DIP2B: variants seen among roughly 807,000 people sequenced by gnomAD.
DIP2B encodes DIP2 acetate--CoA ligase B (putative), also known as disco-interacting protein 2 homolog B.
Under a neutral mutation model 198.0 loss-of-function variants are expected in DIP2B, and 76 were observed. The ratio of observed to expected loss-of-function variants is 0.38; its 90% CI spans 0.32 to 0.46. DIP2B has a LOEUF of 0.46. DIP2B is among the 20% of genes least tolerant of loss of function. The pLI, the probability that DIP2B is intolerant of heterozygous loss-of-function variation, is 0.99. For missense variants in DIP2B, 1,559 were observed against 1,978.4 expected, an observed-to-expected ratio of 0.79 and a Z score of 4.02; for synonymous variants, 701 against 739.1, an observed-to-expected ratio of 0.95 and a Z score of 0.84.
intron 23 of DIP2B, among the ~76,000 whole-genome samples, chr12:50,716,958 C>CTTTTTTTTTTTTTGTTTTT (rs1939732733): frequency 1.7e-5 from 1 of 58,924 alleles, no homozygotes; most frequent in Non-Finnish European, 3.0e-5. Context: ...CGAATTGTTG[C>CTTTTTTTTTTTTTGTTTTT]TTTTTTTTTT....
At chr12:50,708,352 A>G (rs748843978) in intron 21 of DIP2B, 96 bp from the exon 22 acceptor site, 8 of 1,044,708 alleles carry the variant, frequency 7.7e-6, no homozygotes, top group Non-Finnish European at 1.0e-5. Flanking sequence ...TTTGGGTAGC[A>G]TGGTGGGGTT....
intron 19 of DIP2B, among the ~76,000 whole-genome samples, chr12:50,700,722 T>A (rs1230158466): frequency 2.0e-5 from 3 of 152,230 alleles, no homozygotes; most frequent in African/African-American, 7.2e-5. Flanking sequence ...TGCCCAGCCT[T>A]CAAAAGCTGT....
intron 4 of DIP2B, among the ~76,000 whole-genome samples, chr12:50,670,813 C>A (rs900496571): frequency 2.0e-5 from 3 of 152,094 alleles, no homozygotes; most frequent in African/African-American, 7.2e-5. Flanking sequence ...ATCAATGTAG[C>A]AACATACCAC....
chr12:50,550,628 AGT>A (rs1958419500), intron 1 of DIP2B, among the ~76,000 whole-genome samples: 1 of 152,210 alleles, frequency 6.6e-6, no homozygotes, highest in Non-Finnish European at 1.5e-5. Flanking sequence ...GATTCGAAAC[AGT>A]GTTGCTTCAG....
rs966003805 is a variant in DIP2B, at chr12:50,686,899, AAAAG to A, written c.1551+218_1551+221del. 137 of 407,826 alleles carry A rather than the reference AAAAG, an allele frequency of 3.4e-4. 1 individual carries two copies. The highest frequency in any genetic ancestry group is 1.5e-4 in the Non-Finnish European group (35 of 232,222). 25.3% of individuals were successfully genotyped at this position (407,826 alleles called of 1,614,324 possible). A position where few individuals can be genotyped will look rare whatever the true frequency, so the allele number is the denominator to read the frequency against. On this transcript the variant is annotated intron_variant, in intron 12 of 37. Coordinates refer to ENST00000301180, the MANE Select transcript of DIP2B (RefSeq NM_173602.3). ...CATTCAAGAGAATGACGGCAAAAAA[AAAAG>A]GATTCTTCATGTAAGAAAGTTACAA...
At chr12:50,629,947 AT>A (rs544878687) in intron 2 of DIP2B, among the ~76,000 whole-genome samples, 2,218 of 127,174 alleles carry the variant, frequency 0.017, 50 homozygotes, top group African/African-American at 0.052. Context: ...GGTAAATTTA[AT>A]TTTTTTTTTT....
intron 1 of DIP2B, among the ~76,000 whole-genome samples, chr12:50,560,411 C>G (rs28535374): frequency 2.1e-5 from 3 of 142,352 alleles, no homozygotes; most frequent in Admixed American, 2.1e-4. Context: ...AAAAAAAAAG[C>G]AAAAAACTTA....
At chr12:50,556,348 T>G (rs1958470880) in intron 1 of DIP2B, among the ~76,000 whole-genome samples, 1 of 152,142 alleles carries the variant, frequency 6.6e-6, no homozygotes, top group African/African-American at 2.4e-5. Flanking sequence ...GTGCTGGGAT[T>G]ACAGGCGTAA....
At chr12:50,614,043 C>G (rs796814461) in intron 1 of DIP2B, among the ~76,000 whole-genome samples, 1 of 152,166 alleles carries the variant, frequency 6.6e-6, no homozygotes. Flanking sequence ...TTCTGTAATA[C>G]TACCCCATAT....
intron 1 of DIP2B, among the ~76,000 whole-genome samples, chr12:50,574,955 A>G (rs1958645908): frequency 6.6e-6 from 1 of 152,214 alleles, no homozygotes; most frequent in African/African-American, 2.4e-5. Context: ...TTTCTGGGCA[A>G]TAAGTCAAGG....
At chr12:50,564,721 G>A (rs1222234559) in intron 1 of DIP2B, among the ~76,000 whole-genome samples, 1 of 152,016 alleles carries the variant, frequency 6.6e-6, no homozygotes, top group Non-Finnish European at 1.5e-5. Flanking sequence ...TATTAGCCTG[G>A]TATTTGCCTT....
intron 4 of DIP2B, among the ~76,000 whole-genome samples, chr12:50,669,117 G>C (rs963349430): frequency 2.0e-5 from 3 of 151,992 alleles, no homozygotes; most frequent in African/African-American, 4.8e-5. Flanking sequence ...ATCCCTGACT[G>C]TGGTTGGTTC....
intron 1 of DIP2B, among the ~76,000 whole-genome samples, chr12:50,536,590 C>T (rs1958269637): frequency 6.8e-6 from 1 of 146,654 alleles, no homozygotes; most frequent in South Asian, 2.1e-4. Flanking sequence ...TTTTTTGAGA[C>T]AGGGTCTCAC....
intron 37 of DIP2B, among the ~76,000 whole-genome samples, chr12:50,743,155 T>A (rs568836852): frequency 1.3e-5 from 2 of 152,266 alleles, no homozygotes; most frequent in African/African-American, 4.8e-5. Flanking sequence ...CGATCCCGGC[T>A]CACTGCAACC....
chr12:50,590,769 T>C (rs1958812460), intron 1 of DIP2B, among the ~76,000 whole-genome samples: 1 of 152,214 alleles, frequency 6.6e-6, no homozygotes, highest in Non-Finnish European at 1.5e-5. Context: ...ATTTAGACTT[T>C]AATATAAAAT....
At chr12:50,665,524 T>A (rs1407310618) in intron 4 of DIP2B, among the ~76,000 whole-genome samples, 2 of 152,160 alleles carry the variant, frequency 1.3e-5, no homozygotes, top group Non-Finnish European at 2.9e-5. Flanking sequence ...CCGAGGATCC[T>A]TTCAGCCCAG....
chr12:50,624,262 C>A (rs1257846081), intron 1 of DIP2B, among the ~76,000 whole-genome samples: 1 of 152,132 alleles, frequency 6.6e-6, no homozygotes, highest in Non-Finnish European at 1.5e-5. Flanking sequence ...CAGGCCTGTC[C>A]TAAGCTTAAC....
chr12:50,725,897 C>G (rs1307008122), intron 28 of DIP2B, among the ~76,000 whole-genome samples: 1 of 150,000 alleles, frequency 6.7e-6, no homozygotes, highest in East Asian at 2.0e-4. Context: ...GCAGGAATGA[C>G]ATGTATTTGT....
intron 25 of DIP2B, among the ~76,000 whole-genome samples, chr12:50,719,800 C>T (rs920250585): frequency 2.5e-4 from 38 of 150,446 alleles, no homozygotes; most frequent in African/African-American, 7.1e-4. Context: ...GAAAATGCGC[C>T]ATTGCACTCC....
Sources: allele counts gnomAD v4.1 joint callset (sites outside exome capture counted in the v4.1 genomes callset), GRCh38; gene constraint gnomAD v4.1.1; transcripts MANE v1.5; gene names NCBI Gene and HGNC (gene_info 2026-07-23, HGNC 2026-07-21).